The following ROBO2 variants were observed in gnomAD, a reference collection of about 807,000 sequenced individuals.
ROBO2 encodes roundabout homolog 2.
A neutral mutation model predicts 160.8 loss-of-function variants in ROBO2; 53 were observed. That is an observed-to-expected ratio of 0.33 (90% CI 0.26 to 0.41). The LOEUF (loss-of-function observed/expected upper bound fraction) is 0.41. Among genes scored for constraint, ROBO2 ranks in the 10% least tolerant of loss-of-function variants. ROBO2 has a pLI of 1.00. For synonymous variants in ROBO2, 664 were observed against 611.7 expected (o/e 1.09, Z -1.26); for missense variants, 1,577 against 1,722.4 (o/e 0.92, Z 1.49).
intron 2 of ROBO2, among the ~76,000 whole-genome samples, chr3:75,963,124 A>C (rs7631634): frequency 0.046 from 6,983 of 151,856 alleles, 511 homozygotes; most frequent in African/African-American, 0.15. Context: ...AGCAAAATAT[A>C]ATTGACAGTT....
chr3:77,526,242 T>C (rs770222133), intron 6 of ROBO2, among the ~76,000 whole-genome samples: 12 of 151,460 alleles, frequency 7.9e-5, no homozygotes, highest in Admixed American at 4.0e-4. Flanking sequence ...ATGGCTCTCA[T>C]AGAGATGGAT....
At chr3:76,342,298 A>T (rs148342765) in intron 2 of ROBO2, among the ~76,000 whole-genome samples, 1 of 152,274 alleles carries the variant, frequency 6.6e-6, no homozygotes, top group East Asian at 1.9e-4. Context: ...GGATCCTCAG[A>T]GAAGACACGT....
chr3:76,828,586 TC>T (rs1234262152), intron 2 of ROBO2, among the ~76,000 whole-genome samples: 1 of 152,176 alleles, frequency 6.6e-6, no homozygotes, highest in Non-Finnish European at 1.5e-5. Flanking sequence ...GCTTGAAAGT[TC>T]ATTCATGGAG....
At chr3:76,503,491 T>A (rs534318271) in intron 2 of ROBO2, among the ~76,000 whole-genome samples, 2 of 152,206 alleles carry the variant, frequency 1.3e-5, no homozygotes, top group Non-Finnish European at 2.9e-5. Context: ...ACTGAAAAGA[T>A]GTTTGAACTC....
chr3:76,033,084 T>A (rs748492149), intron 2 of ROBO2, among the ~76,000 whole-genome samples: 5 of 121,102 alleles, frequency 4.1e-5, no homozygotes, highest in Non-Finnish European at 8.4e-5. Flanking sequence ...CAAAACATCG[T>A]AAAATGGATA....
chr3:76,971,491 A>C (rs765486044), intron 2 of ROBO2, among the ~76,000 whole-genome samples: 1 of 152,176 alleles, frequency 6.6e-6, no homozygotes, highest in Non-Finnish European at 1.5e-5. Context: ...CAGATGATGT[A>C]TTAAAACATG....
At chr3:76,274,640 C>T (rs1707811216) in intron 2 of ROBO2, among the ~76,000 whole-genome samples, 1 of 151,792 alleles carries the variant, frequency 6.6e-6, no homozygotes, top group Non-Finnish European at 1.5e-5. Context: ...AGTTTGAGAC[C>T]AGTCTGGCCA....
intron 2 of ROBO2, among the ~76,000 whole-genome samples, chr3:77,355,826 G>T (rs1039694507): frequency 6.6e-6 from 1 of 151,854 alleles, no homozygotes; most frequent in East Asian, 1.9e-4. Context: ...AACTGTAAAA[G>T]TAGTGTCAGC....
intron 2 of ROBO2, among the ~76,000 whole-genome samples, chr3:77,372,317 A>G (rs2071888097): frequency 6.6e-6 from 1 of 152,130 alleles, no homozygotes; most frequent in South Asian, 2.1e-4. Context: ...ATAAATCAAT[A>G]TCGTCTCTAT....
At chr3:76,362,516 A>G (rs1245143892) in intron 2 of ROBO2, among the ~76,000 whole-genome samples, 1 of 152,102 alleles carries the variant, frequency 6.6e-6, no homozygotes, top group Non-Finnish European at 1.5e-5. Flanking sequence ...TAGCTTAGGT[A>G]AGGTGAATAA....
chr3:77,634,062 C>A (rs776128), intron 23 of ROBO2: 1 of 151,956 alleles, frequency 6.6e-6, no homozygotes, highest in Admixed American at 6.6e-5. Context: ...TCTGTTACTA[C>A]AATAAACATG....
chr3:76,091,727 A>G (rs181422241), intron 2 of ROBO2, among the ~76,000 whole-genome samples: 4 of 152,320 alleles, frequency 2.6e-5, no homozygotes, highest in Non-Finnish European at 1.5e-5. Context: ...CTTCCAGGCA[A>G]TGGAATATTA....
intron 2 of ROBO2, among the ~76,000 whole-genome samples, chr3:76,996,738 A>C (rs944353863): frequency 6.6e-6 from 1 of 152,140 alleles, no homozygotes; most frequent in African/African-American, 2.4e-5. Context: ...TTCATTCTAA[A>C]CTATGGTGGA....
chr3:76,841,100 G>A (rs11127563), intron 2 of ROBO2, among the ~76,000 whole-genome samples: 2 of 152,040 alleles, frequency 1.3e-5, no homozygotes, highest in Non-Finnish European at 1.5e-5. Context: ...GTGTGGCTAA[G>A]AAAAAAGGTC....
chr3:76,662,686 TGGAA>T (rs2091875317), intron 2 of ROBO2, among the ~76,000 whole-genome samples: 1 of 152,056 alleles, frequency 6.6e-6, no homozygotes, highest in Non-Finnish European at 1.5e-5. Context: ...ATTAGCAACA[TGGAA>T]GGGTCAGGAG....
chr3:75,980,268 T>A lies in ROBO2; in HGVS notation c.109+42666T>A, dbSNP rs144559605. ...AACATGAGCCTCCCTCTCTGCCTTC[T>A]GCCTTCAGAATGATGTCAGTGCTTG... On this transcript the variant is annotated intron_variant, in intron 2 of 26. Transcript: ENST00000487694. Among the ~76,000 whole-genome samples the A allele has an allele frequency of 5.5e-3, 835 of 151,728 alleles. 9 individuals carry two copies. Among genetic ancestry groups the A allele is most frequent in the African/African-American group, 0.019 (807 of 41,486 alleles).
chr3:76,490,656 AT>A (rs1243884211), intron 2 of ROBO2, among the ~76,000 whole-genome samples: 4 of 152,100 alleles, frequency 2.6e-5, no homozygotes, highest in Admixed American at 6.5e-5. Flanking sequence ...ACATTTTTAT[AT>A]TTTTTTAATT....
chr3:77,024,200 TG>T (rs1460199750), intron 2 of ROBO2, among the ~76,000 whole-genome samples: 1 of 152,158 alleles, frequency 6.6e-6, no homozygotes, highest in African/African-American at 2.4e-5. Context: ...AGTAGAGAAA[TG>T]TGTGAACATT....
chr3:77,402,327 T>C (rs9875171), intron 2 of ROBO2, among the ~76,000 whole-genome samples: 20,403 of 151,952 alleles, frequency 0.13, 1,496 homozygotes, highest in East Asian at 0.25. Context: ...GAGAAATACC[T>C]AATGTAGGTG....
Sources: allele counts gnomAD v4.1 joint callset (sites outside exome capture counted in the v4.1 genomes callset), GRCh38; gene constraint gnomAD v4.1.1; transcripts MANE v1.5; gene names NCBI Gene and HGNC (gene_info 2026-07-23, HGNC 2026-07-21).